Variants in NLRC5 observed in about 807,000 individuals in gnomAD.
The protein encoded by NLRC5 is protein NLRC5.
In NLRC5, 114 loss-of-function variants were observed where a neutral mutation model predicts 206.9. The observed-to-expected ratio is 0.55, with a 90% confidence interval of 0.47 to 0.64. The LOEUF is 0.64. Ranked by LOEUF, NLRC5 falls within the 30% of genes least tolerant of loss-of-function variation. The pLI is 0.00. For synonymous variants in NLRC5, 952 were observed against 962.8 expected (o/e 0.99, Z 0.21); for missense variants, 2,008 against 2,305.5 (o/e 0.87, Z 2.64).
intron 1 of NLRC5, among the ~76,000 whole-genome samples, chr16:57,014,927 C>CA (rs1555515206): frequency 1.4e-5 from 2 of 146,522 alleles, no homozygotes; most frequent in Non-Finnish European, 3.0e-5. Flanking sequence ...TTCCTTTTTC[C>CA]TTTTTTTTTT....
At chr16:57,053,335 A>T (rs540189855) in intron 24 of NLRC5, among the ~76,000 whole-genome samples, 1 of 152,282 alleles carries the variant, frequency 6.6e-6, no homozygotes, top group East Asian at 1.9e-4. Context: ...GCCCTGAGGC[A>T]TGATTAAGCT....
At chr16:57,077,612 G>A in intron 41 of NLRC5, 107 bp from the exon 42 acceptor site, 2 of 1,143,064 alleles carry the variant, frequency 1.7e-6, no homozygotes, top group South Asian at 3.0e-5. Flanking sequence ...GGTGTCGGGG[G>A]GTTGTCTCTT....
rs2061219494 is a variant in NLRC5, at chr16:57,025,774, T to G, written c.831T>G (p.Leu277=). 1.2e-6 allele frequency: 2 copies of G among 1,614,088 alleles called. No homozygotes were observed. The highest frequency in any genetic ancestry group is 2.7e-5 in the African/African-American group (2 of 74,942). The change falls in exon 6 of 49, where the codon CTT becomes CTG. Residue 277 remains leucine (L), a synonymous_variant. Transcript: ENST00000688547. The part of the protein sequence containing the change: ...ITRFLTPSEL[L]FDLYLSPESD... The stretch of plus-strand genomic sequence containing the variant: ...GGTTCCTGACACCGTCCGAGCTCCT[T>G]TTTGATCTGTACCTGAGCCCTGAAT...
chr16:57,065,351 G>A (rs990451044), intron 33 of NLRC5, 53 bp downstream of exon 33: 43 of 1,331,964 alleles, frequency 3.2e-5, no homozygotes, highest in Non-Finnish European at 3.6e-5. Flanking sequence ...ATAAGCATTG[G>A]GACTTTTCCT....
rs762383790 is a variant in NLRC5, at chr16:57,040,654, G to A, written c.2875G>A (p.Ala959Thr). 3.2e-5 allele frequency: 52 copies of A among 1,614,010 alleles called. No individual in the cohort carries two copies. The highest frequency in any genetic ancestry group is 4.0e-5 in the African/African-American group (3 of 74,916). ...EEQKGPQERA[A>T]FLDSLMLQMP... is the part of the protein sequence containing the mutation. ...GCCTTGGTGATGTCCCTCCAGGGCT[G>A]CATTTCTTGACAGCCTCATGCTCCA... is the stretch of plus-strand genomic sequence containing the variant. The change falls in exon 17 of 49, where the codon GCA (alanine) becomes ACA (threonine). Residue 959 changes from alanine (A) to threonine (T), a missense_variant. Transcript: ENST00000688547.
At chr16:57,055,709 C>G (rs751141043) in intron 27 of NLRC5, among the ~76,000 whole-genome samples, 190 bp downstream of exon 27, 73 of 152,344 alleles carry the variant, frequency 4.8e-4, no homozygotes, top group Non-Finnish European at 6.2e-4. Context: ...CTCCCGCCCC[C>G]ACTCTCGCCA....
chr16:57,023,666 G>A (rs1487727834), intron 4 of NLRC5, 119 bp from the exon 5 acceptor site: 4 of 723,290 alleles, frequency 5.5e-6, no homozygotes, highest in Admixed American at 2.4e-5. Context: ...GTCCCTGCAT[G>A]TGGGTGTACT....
intron 4 of NLRC5, 141 bp downstream of exon 4, chr16:57,022,456 C>T (rs16965086): frequency 0.02 from 13,828 of 691,606 alleles, 852 homozygotes; most frequent in East Asian, 0.14. Context: ...GTCCCTGACC[C>T]ATTTGCAAGT....
At chr16:57,055,567 G>A (rs1350983998) in intron 27 of NLRC5, 48 bp downstream of exon 27, 2 of 1,491,020 alleles carry the variant, frequency 1.3e-6, no homozygotes, top group East Asian at 2.3e-5. Flanking sequence ...ACGCATGCCT[G>A]AGGGGCACTG....
At chr16:57,035,958 T>G in intron 13 of NLRC5, 142 bp from the exon 14 acceptor site, 1 of 725,098 alleles carries the variant, frequency 1.4e-6, no homozygotes, top group Non-Finnish European at 2.4e-6. Context: ...GCATGTGGTA[T>G]GGAGTCTGTC....
At chr16:57,069,621 G>A (rs545303038) in intron 36 of NLRC5, 13 of 580,428 alleles carry the variant, frequency 2.2e-5, no homozygotes, top group Admixed American at 1.6e-4. Flanking sequence ...GAATGACTGC[G>A]GTTTAGGAAA....
At chr16:57,062,729 T>C (rs1235924479) in intron 32 of NLRC5, 2 of 152,356 alleles carry the variant, frequency 1.3e-5, no homozygotes, top group Admixed American at 1.3e-4. Flanking sequence ...AACTGACTGT[T>C]CCCCAAAATA....
chr16:56,992,700 C>A (rs535365627), intron 1 of NLRC5, among the ~76,000 whole-genome samples: 111 of 152,132 alleles, frequency 7.3e-4, no homozygotes, highest in African/African-American at 2.7e-3. Flanking sequence ...TGGTCTTGAA[C>A]TCCTGACCTC....
At position 57,077,961 on chromosome 16, in the gene NLRC5, G is replaced by A. The variant is rs775588467; in HGVS notation, c.5022G>A (p.Leu1674=). Residue 1674 remains leucine (L), a synonymous_variant, in exon 43 of 49, where the codon CTG becomes CTA. Coordinates refer to ENST00000688547, the MANE Select transcript of NLRC5 (RefSeq NM_001384950.1). ...LEELMLGCNA[L]GDPTALGLAQ... ...CTTCCAGGCTTGGCTGCAATGCCCT[G>A]GGGGATCCCACAGCCCTGGGGCTGG... 3 of 1,613,088 alleles carry A rather than the reference G, an allele frequency of 1.9e-6. No individual in the cohort carries two copies. The highest frequency in any genetic ancestry group is 3.3e-5 in the Admixed American group (2 of 59,896).
At chr16:57,005,702 T>C (rs1249195268) in intron 1 of NLRC5, among the ~76,000 whole-genome samples, 1 of 152,130 alleles carries the variant, frequency 6.6e-6, no homozygotes. Flanking sequence ...GCAGATTGCT[T>C]GAGCCCAGGA....
chr16:57,055,179 A>AGACT, intron 26 of NLRC5, 85 bp downstream of exon 26: 1 of 1,395,216 alleles, frequency 7.2e-7, no homozygotes. Context: ...AGCAGTATGC[A>AGACT]GACTGCCTAC....
intron 32 of NLRC5, 122 bp downstream of exon 32, chr16:57,061,823 ATC>A (rs1567625790): frequency 6.5e-7 from 1 of 1,536,878 alleles, no homozygotes; most frequent in Non-Finnish European, 8.7e-7. Flanking sequence ...CAACCCTGCC[ATC>A]TGGACCCTGA....
intron 21 of NLRC5, among the ~76,000 whole-genome samples, chr16:57,046,039 A>T (rs766206841): frequency 6.6e-6 from 1 of 152,240 alleles, no homozygotes; most frequent in Non-Finnish European, 1.5e-5. Flanking sequence ...GCCCATGTGC[A>T]GCTGGCTGGG....
Position 57,037,187 on chromosome 16 carries a change from C to T in NLRC5, c.2712-8C>T, listed in dbSNP as rs2062697969. 1 of 1,612,912 alleles carries T rather than the reference C, an allele frequency of 6.2e-7. No homozygotes were observed. Among genetic ancestry groups the T allele is most frequent in the African/African-American group, 1.3e-5 (1 of 74,902 alleles). On this transcript the variant is annotated splice_polypyrimidine_tract_variant and splice_region_variant and intron_variant, in intron 14 of 48. Transcript: ENST00000688547. The stretch of plus-strand genomic sequence containing the variant: ...ATGCCAACGGCTGCCTTCTCCTGCT[C>T]TCCACAGCCTCAGTAACAACGGGCT...
Sources: allele counts gnomAD v4.1 joint callset (sites outside exome capture counted in the v4.1 genomes callset), GRCh38; gene constraint gnomAD v4.1.1; transcripts MANE v1.5; gene names NCBI Gene and HGNC (gene_info 2026-07-23, HGNC 2026-07-21).